The following LRRD1 variants were observed in gnomAD, a reference collection of about 807,000 sequenced individuals.
LRRD1 encodes leucine-rich repeat and death domain-containing protein 1.
LRRD1 carries 49 observed loss-of-function variants against 69.5 expected under a neutral mutation model. The ratio of observed to expected loss-of-function variants is 0.70; its 90% CI spans 0.56 to 0.89. LRRD1 has a LOEUF of 0.89. Among genes scored for constraint, LRRD1 ranks in the 40% least tolerant of loss-of-function variants. The pLI is 0.00. For synonymous variants in LRRD1, 303 were observed against 338.9 expected (o/e 0.89, Z 1.16); for missense variants, 853 against 956.0 (o/e 0.89, Z 1.42).
At chr7:92,158,429 A>C (rs1419882202) in intron 3 of LRRD1, among the ~76,000 whole-genome samples, 4 of 152,264 alleles carry the variant, frequency 2.6e-5, no homozygotes, top group African/African-American at 9.6e-5. Context: ...ATATGTGTAC[A>C]TATATGTGCA....
chr7:92,144,100 A>T (rs952594801), downstream of LRRD1, among the ~76,000 whole-genome samples: 3 of 152,210 alleles, frequency 2.0e-5, no homozygotes, highest in Non-Finnish European at 4.4e-5. Flanking sequence ...CACTCTATCA[A>T]TCCTGTCTGG....
rs1199043595 is a variant in LRRD1, at chr7:92,163,781, G to T, written c.1422C>A (p.Asn474Lys). ...GTCCCAATGGAAAATACATTATTTT[G>T]TTATAACTCAATTCAATTTTAATTA... Reference protein sequence around the residue: ...QKIIKIELSYNKIMYFPLGLC... With the variant: ...QKIIKIELSYKKIMYFPLGLC... Residue 474 changes from asparagine to lysine, a missense_variant, in exon 2 of 6, where the codon AAC (asparagine) becomes AAA (lysine). Physicochemically the swap from Asn to Lys is moderately conservative, Grantham distance 94. Transcript: ENST00000458448. The T allele has an allele frequency of 7.3e-6, 11 of 1,506,464 alleles. No homozygotes were observed. In the East Asian group the frequency reaches 2.0e-4, roughly 27 times the overall value. 93.3% of individuals were successfully genotyped at this position (1,506,464 alleles called of 1,614,324 possible).
chr7:92,149,692 G>A (rs1253312636), intron 4 of LRRD1, among the ~76,000 whole-genome samples: 1 of 151,786 alleles, frequency 6.6e-6, no homozygotes, highest in Admixed American at 6.6e-5. Context: ...CCTCAAGGCC[G>A]AATGTATTTT....
Position 92,164,540 on chromosome 7 carries a change from G to C in LRRD1, c.663C>G (p.Asn221Lys). 2.6e-6 allele frequency: 4 copies of C among 1,550,416 alleles called. No individual in the cohort carries two copies. The highest frequency in any genetic ancestry group is 1.7e-6 in the Non-Finnish European group (2 of 1,146,086). Residue 221 changes from asparagine (N) to lysine (K), a missense_variant, in exon 2 of 6, where the codon AAC becomes AAG. Physicochemically the swap from Asn to Lys is moderately conservative, Grantham distance 94. Transcript: ENST00000458448. ...TTTCTTTAGGTATATGTGATATGTG[G>C]TTATGACTGACATTTAATATCCTTA... ...HNLRILNVSH[N>K]HISHIPKEIS...
chr7:92,175,303 G>T (rs550036021), intron 1 of LRRD1, among the ~76,000 whole-genome samples: 1 of 152,000 alleles, frequency 6.6e-6, no homozygotes, highest in African/African-American at 2.4e-5. Flanking sequence ...CTGTATCAGA[G>T]TCCTACAAGA....
Position 92,164,548 on chromosome 7 carries a change from T to A in LRRD1, c.655A>T (p.Ser219Cys). 6.4e-7 allele frequency: 1 copy of A among 1,550,520 alleles called. No individual in the cohort carries two copies. The highest frequency in any genetic ancestry group is 1.2e-5 in the South Asian group (1 of 83,934). Residue 219 changes from serine to cysteine, a missense_variant, in exon 2 of 6, where the codon AGT (serine) becomes TGT (cysteine). Ser to Cys is a moderately radical substitution (Grantham distance 112, BLOSUM62 -1). Coordinates refer to ENST00000458448, the MANE Select transcript of LRRD1 (RefSeq NM_001161528.2). ...LLHNLRILNV[S>C]HNHISHIPKE... ...GGTATATGTGATATGTGGTTATGAC[T>A]GACATTTAATATCCTTAAATTATGA... is the stretch of plus-strand genomic sequence containing the variant.
chr7:92,157,088 T>C (rs1584655155), intron 3 of LRRD1, among the ~76,000 whole-genome samples: 1 of 148,908 alleles, frequency 6.7e-6, no homozygotes, highest in Non-Finnish European at 1.5e-5. Flanking sequence ...TGGAATGCAG[T>C]GGCACAATCA....
downstream of LRRD1, among the ~76,000 whole-genome samples, chr7:92,143,985 G>A (rs1435686678): frequency 6.6e-6 from 1 of 152,204 alleles, no homozygotes; most frequent in Non-Finnish European, 1.5e-5. Flanking sequence ...TACACGACAA[G>A]GTCAGCTCCA....
At chr7:92,156,658 A>G (rs1788664738) in intron 3 of LRRD1, among the ~76,000 whole-genome samples, 1 of 152,216 alleles carries the variant, frequency 6.6e-6, no homozygotes, top group Admixed American at 6.5e-5. Context: ...ATCTTGCTAA[A>G]CTTACTTGTT....
Position 92,152,319 on chromosome 7 carries a change from T to C in LRRD1, c.2117-1624A>G, listed in dbSNP as rs192441069. Among the ~76,000 whole-genome samples the C allele has an allele frequency of 5.3e-5, 8 of 152,110 alleles. No homozygotes were observed. The East Asian group carries it at 1.5e-3, about 29-fold the overall frequency. ...TACAACAATATCAGTGTTGTGTGTA[T>C]CAATAGTTTTTTTCTTTTTAATAAT... is the stretch of plus-strand genomic sequence containing the variant. On this transcript the variant is annotated intron_variant, in intron 3 of 5. Coordinates refer to ENST00000458448, the MANE Select transcript of LRRD1 (RefSeq NM_001161528.2).
intron 4 of LRRD1, among the ~76,000 whole-genome samples, chr7:92,148,364 C>T (rs980074702): frequency 6.6e-6 from 1 of 152,078 alleles, no homozygotes; most frequent in Non-Finnish European, 1.5e-5. Context: ...GAGCCACTGC[C>T]CCCAGCCTGT....
intron 2 of LRRD1, among the ~76,000 whole-genome samples, chr7:92,161,727 A>G (rs572820364): frequency 3.7e-4 from 56 of 152,354 alleles, no homozygotes; most frequent in African/African-American, 1.3e-3. Flanking sequence ...GGTTTAAAAG[A>G]AAAACTGGCA....
intron 3 of LRRD1, among the ~76,000 whole-genome samples, chr7:92,156,787 G>A (rs1788667002): frequency 6.6e-6 from 1 of 152,096 alleles, no homozygotes; most frequent in Non-Finnish European, 1.5e-5. Context: ...TGTTGTGCTA[G>A]TTGGGATTCC....
At chr7:92,142,787 G>C (rs1048572187), downstream of LRRD1, 14 of 445,482 alleles carry the variant, frequency 3.1e-5, no homozygotes, top group African/African-American at 2.6e-4. Flanking sequence ...CTTTCTCCCG[G>C]TGGGTTCCTG....
chr7:92,151,945 A>G (rs949128529), intron 3 of LRRD1, among the ~76,000 whole-genome samples: 1 of 148,430 alleles, frequency 6.7e-6, no homozygotes, highest in Non-Finnish European at 1.5e-5. Flanking sequence ...GCGGAACTCC[A>G]TCTCAAAAAA....
At chr7:92,176,320 G>A (rs1789195259) in intron 1 of LRRD1, among the ~76,000 whole-genome samples, 1 of 152,086 alleles carries the variant, frequency 6.6e-6, no homozygotes, top group African/African-American at 2.4e-5. Context: ...TGTTGGTCTT[G>A]TATGTAGCAA....
chr7:92,161,239 A>G (rs1788789662), intron 2 of LRRD1, among the ~76,000 whole-genome samples: 1 of 152,276 alleles, frequency 6.6e-6, no homozygotes, highest in Non-Finnish European at 1.5e-5. Flanking sequence ...CTGCTATTAT[A>G]TAAGTTAATT....
At chr7:92,144,455 C>T (rs1391113997), downstream of LRRD1, among the ~76,000 whole-genome samples, 10 of 151,790 alleles carry the variant, frequency 6.6e-5, no homozygotes, top group Non-Finnish European at 1.3e-4. Context: ...GGTGAAACCC[C>T]GTCTCTACTA....
chr7:92,147,512 TTGG>T (rs2130981563), intron 4 of LRRD1, among the ~76,000 whole-genome samples: 1 of 145,090 alleles, frequency 6.9e-6, no homozygotes, highest in South Asian at 2.2e-4. Context: ...TTTGTTTTGT[TTGG>T]TGGAGAATAT....
Sources: gnomAD v4.1 joint callset for allele counts (sites outside exome capture counted in the v4.1 genomes callset) on GRCh38, gnomAD v4.1.1 for gene constraint, MANE v1.5 for transcripts, NCBI Gene and HGNC (gene_info 2026-07-23, HGNC 2026-07-21) for gene names.